Variants in EIF4E observed in about 807,000 individuals in gnomAD.
EIF4E encodes eukaryotic translation initiation factor 4E.
For missense variants in EIF4E, 113 were observed against 265.6 expected, an observed-to-expected ratio of 0.43 and a Z score of 3.99; for synonymous variants, 71 against 88.5, an observed-to-expected ratio of 0.80 and a Z score of 1.11.
intron 2 of EIF4E, among the ~76,000 whole-genome samples, chr4:98,896,538 C>G (rs1179190815): frequency 6.9e-6 from 1 of 145,036 alleles, no homozygotes; most frequent in Non-Finnish European, 1.5e-5. Context: ...GTGGTGCACA[C>G]CTGTGGACCT....
At chr4:98,886,608 A>C in intron 5 of EIF4E, 1 of 364,752 alleles carries the variant, frequency 2.7e-6, no homozygotes, top group Non-Finnish European at 5.4e-6. Context: ...CCAGCTACTT[A>C]AGAGGCTGAA....
At chr4:98,901,784 T>C (rs1724659776) in intron 2 of EIF4E, 92 bp downstream of exon 2, 4 of 1,168,550 alleles carry the variant, frequency 3.4e-6, no homozygotes, top group Non-Finnish European at 5.1e-6. Flanking sequence ...TATCTAAAAC[T>C]AGTCTCATAA....
intron 2 of EIF4E, among the ~76,000 whole-genome samples, chr4:98,893,489 C>A (rs1724242993): frequency 2.6e-5 from 4 of 152,222 alleles, no homozygotes. Context: ...ATATTCAAAT[C>A]CTTTGTTGTC....
At chr4:98,901,804 C>T (rs1446515209) in intron 2 of EIF4E, 72 bp downstream of exon 2, 1 of 1,352,770 alleles carries the variant, frequency 7.4e-7, no homozygotes, top group African/African-American at 1.4e-5. Flanking sequence ...ATCTAACTTT[C>T]CCTTCAAACT....
chr4:98,891,408 A>G lies in EIF4E; in HGVS notation c.126-76T>C. ...AAAGCAACATTATTCACAAAAGTCA[A>G]AAGGTAGAAGCAACCCACCTGTCCA... On this transcript the variant is annotated intron_variant, in intron 2 of 6. Coordinates refer to ENST00000450253, the MANE Select transcript of EIF4E (RefSeq NM_001968.5). 2.2e-6 allele frequency: 3 copies of G among 1,371,220 alleles called. No individual in the cohort carries two copies. The South Asian group carries it at 3.7e-5, about 17-fold the overall frequency. 84.9% of individuals were successfully genotyped at this position (1,371,220 alleles called of 1,614,324 possible). A position where few individuals can be genotyped will look rare whatever the true frequency, so the allele number is the denominator to read the frequency against.
At chr4:98,885,340 C>T (rs1723868242) in intron 5 of EIF4E, among the ~76,000 whole-genome samples, 2 of 152,124 alleles carry the variant, frequency 1.3e-5, no homozygotes, top group Admixed American at 1.3e-4. Context: ...TCTGCTGCTG[C>T]TTATATTTAT....
chr4:98,928,520 G>C (rs1442872450), intron 1 of EIF4E, among the ~76,000 whole-genome samples: 1 of 151,916 alleles, frequency 6.6e-6, no homozygotes, highest in Non-Finnish European at 1.5e-5. Flanking sequence ...AAGCTCCTCC[G>C]CGCGTGCCGC....
chr4:98,881,081 C>A lies in EIF4E; in HGVS notation c.601G>T (p.Ala201Ser). 3 of 1,612,068 alleles carry A rather than the reference C, an allele frequency of 1.9e-6. No individual in the cohort carries two copies. Among genetic ancestry groups the A allele is most frequent in the Non-Finnish European group, 2.5e-6 (3 of 1,179,328 alleles). ...GAGCCGCTCTTAGTAGCTGTGTCTG[C>A]GTGGGACTGATAACCAATCACTATC... ...PKIVIGYQSH[A>S]DTATKSGSTT... Residue 201 changes from alanine (A) to serine (S), a missense_variant, in exon 7 of 7, where the codon GCA becomes TCA. Physicochemically the swap from Ala to Ser is moderately conservative, Grantham distance 99. Transcript: ENST00000450253.
At chr4:98,906,351 A>G (rs1724873948) in intron 1 of EIF4E, among the ~76,000 whole-genome samples, 1 of 152,234 alleles carries the variant, frequency 6.6e-6, no homozygotes, top group African/African-American at 2.4e-5. Context: ...CTGGTCCACA[A>G]ACTGGTTATG....
intron 1 of EIF4E, among the ~76,000 whole-genome samples, chr4:98,904,626 C>A (rs1281139510): frequency 1.3e-5 from 2 of 152,126 alleles, no homozygotes; most frequent in African/African-American, 4.8e-5. Flanking sequence ...CAAAAATTAG[C>A]TGGGCGTGGT....
At chr4:98,907,115 T>C (rs1487197448) in intron 1 of EIF4E, among the ~76,000 whole-genome samples, 2 of 152,220 alleles carry the variant, frequency 1.3e-5, no homozygotes, top group Non-Finnish European at 2.9e-5. Flanking sequence ...AGTTGTTTCA[T>C]ATGATTTGTT....
intron 1 of EIF4E, among the ~76,000 whole-genome samples, chr4:98,903,833 T>G (rs916510572): frequency 6.6e-6 from 1 of 152,172 alleles, no homozygotes; most frequent in Non-Finnish European, 1.5e-5. Context: ...ACCAAACATT[T>G]TTATCAACAT....
rs1426217676 is a variant in EIF4E, at chr4:98,887,521, A to G, written c.286-329T>C. Among the ~76,000 whole-genome samples the G allele has an allele frequency of 6.6e-6, 1 of 152,194 alleles. No homozygotes were observed. Among genetic ancestry groups the G allele is most frequent in the Non-Finnish European group, 1.5e-5 (1 of 68,030 alleles). On this transcript the variant is annotated intron_variant, in intron 4 of 6. Coordinates refer to ENST00000450253, the MANE Select transcript of EIF4E (RefSeq NM_001968.5). This position sits in a 1 kb window ranked among gnomAD's most constrained non-coding sequence, Gnocchi z 4.0. ...ATACATGCAAAAACTATGCAATTTCAGTTAATGAATGTCCCGTCCCTCTAC... is the reference window on the plus strand; with the variant it reads ...ATACATGCAAAAACTATGCAATTTCGGTTAATGAATGTCCCGTCCCTCTAC...
intron 1 of EIF4E, among the ~76,000 whole-genome samples, chr4:98,904,788 G>T (rs1724797842): frequency 6.6e-6 from 1 of 151,796 alleles, no homozygotes; most frequent in Non-Finnish European, 1.5e-5. Flanking sequence ...AAACAAAAAA[G>T]GACACATGAT....
intron 1 of EIF4E, among the ~76,000 whole-genome samples, chr4:98,918,715 C>T (rs1351544016): frequency 6.6e-6 from 1 of 151,956 alleles, no homozygotes. Flanking sequence ...GTAACATATA[C>T]CATCAGAAAA....
chr4:98,921,056 T>A (rs1388805452), intron 1 of EIF4E, among the ~76,000 whole-genome samples: 2 of 152,190 alleles, frequency 1.3e-5, no homozygotes, highest in Non-Finnish European at 2.9e-5. Context: ...AAAAAAAAAT[T>A]TTATATTCAA....
chr4:98,900,958 A>C (rs1235858432), intron 2 of EIF4E, among the ~76,000 whole-genome samples: 1 of 152,114 alleles, frequency 6.6e-6, no homozygotes, highest in African/African-American at 2.4e-5. Context: ...CTTACTCTAT[A>C]CATCTGTATA....
intron 1 of EIF4E, among the ~76,000 whole-genome samples, chr4:98,910,324 C>T (rs553867715): frequency 1.3e-5 from 2 of 152,164 alleles, no homozygotes; most frequent in African/African-American, 4.8e-5. Flanking sequence ...AAAATTTTTT[C>T]ATGTAAAAGT....
intron 2 of EIF4E, among the ~76,000 whole-genome samples, chr4:98,894,057 T>C (rs1203120525): frequency 6.6e-6 from 1 of 152,244 alleles, no homozygotes; most frequent in Non-Finnish European, 1.5e-5. Context: ...AGCAGTGATA[T>C]TTTGAAAGGA....
Sources: gnomAD v4.1 joint callset for allele counts (sites outside exome capture counted in the v4.1 genomes callset) on GRCh38, gnomAD v4.1.1 for gene constraint, Gnocchi (gnomAD v3.1) non-coding constraint, MANE v1.5 for transcripts, NCBI Gene and HGNC (gene_info 2026-07-23, HGNC 2026-07-21) for gene names.